Variants in ADAMTSL2 observed in about 807,000 individuals in gnomAD.
The protein encoded by ADAMTSL2 is ADAMTS-like protein 2.
Under a neutral mutation model 117.0 loss-of-function variants are expected in ADAMTSL2, and 55 were observed. The ratio of observed to expected loss-of-function variants is 0.47; its 90% CI spans 0.38 to 0.59. The LOEUF (loss-of-function observed/expected upper bound fraction) is 0.59. Among genes scored for constraint, ADAMTSL2 ranks in the 20% least tolerant of loss-of-function variants. The pLI is 0.00. For synonymous variants in ADAMTSL2, 572 were observed against 566.4 expected (o/e 1.01, Z -0.14); for missense variants, 1,182 against 1,354.5 (o/e 0.87, Z 2.00).
In ADAMTSL2 at chr9:133,554,294, G is replaced by A; in HGVS notation, c.940-63G>A. 7.1e-7 allele frequency: 1 copy of A among 1,417,976 alleles called. No individual in the cohort carries two copies. The highest frequency in any genetic ancestry group is 9.5e-7 in the Non-Finnish European group (1 of 1,049,320). 87.8% of individuals were successfully genotyped at this position (1,417,976 alleles called of 1,614,324 possible). The stretch of plus-strand genomic sequence containing the variant: ...GCACCCTGCAGCTCTGTGGGAAGGG[G>A]ATTGGTGGGGAAGGGGCTGGACAGA... On this transcript the variant is annotated intron_variant, in intron 9 of 18. Transcript: ENST00000651351. The surrounding 1 kb of genome is among the most constrained non-coding windows in gnomAD (Gnocchi z 5.2).
At chr9:133,552,859 A>G (rs1176422665) in intron 9 of ADAMTSL2, among the ~76,000 whole-genome samples, 23 of 152,204 alleles carry the variant, frequency 1.5e-4, no homozygotes, top group African/African-American at 5.5e-4. Context: ...TATGCTTCTA[A>G]GTGCCATCCT....
chr9:133,534,499 T>C, upstream of ADAMTSL2: 1 of 446,406 alleles, frequency 2.2e-6, no homozygotes, highest in Non-Finnish European at 3.6e-6. Flanking sequence ...GAAGAAGGCC[T>C]CCCTGCTCGC....
chr9:133,572,545 A>G (rs1831131910), intron 17 of ADAMTSL2, among the ~76,000 whole-genome samples: 1 of 152,072 alleles, frequency 6.6e-6, no homozygotes, highest in South Asian at 2.1e-4. Flanking sequence ...CTAGCTTCAG[A>G]TGGGGGGGCC....
chr9:133,558,646 G>A lies in ADAMTSL2; in HGVS notation c.1650-2552G>A, dbSNP rs903583853. 5.3e-5 allele frequency among the ~76,000 whole-genome samples: 8 copies of A among 152,202 alleles called. No homozygotes were observed. The highest frequency in any genetic ancestry group is 1.0e-4 in the Non-Finnish European group (7 of 68,026). The stretch of plus-strand genomic sequence containing the variant: ...CCTGTGTCTGGCCGGGCATCTGGGC[G>A]AAGGACCCTGAGGAGTGACAGGTGG... On this transcript the variant is annotated intron_variant, in intron 11 of 18. Transcript: ENST00000651351. The surrounding 1 kb of genome is among the most constrained non-coding windows in gnomAD (Gnocchi z 4.3).
At chr9:133,533,163 CTG>C (rs71378583), upstream of ADAMTSL2, among the ~76,000 whole-genome samples, 20,200 of 147,886 alleles carry the variant, frequency 0.14, 1,369 homozygotes, top group Middle Eastern at 0.23. Flanking sequence ...GTGTGTGTGC[CTG>C]TGTGTGTGTG....
chr9:133,541,096 G>T (rs780461357), intron 7 of ADAMTSL2, 95 bp downstream of exon 7: 3 of 1,530,128 alleles, frequency 2.0e-6, no homozygotes, highest in South Asian at 1.2e-5. Context: ...GTGTACCACT[G>T]GGCAAGTTCT....
At chr9:133,534,184 C>A (rs1405929741), upstream of ADAMTSL2, 1 of 152,466 alleles carries the variant, frequency 6.6e-6, no homozygotes, top group South Asian at 2.1e-4. Flanking sequence ...TTCATTCTCG[C>A]TGGGTCTCCC....
rs944888399 is a variant in ADAMTSL2, at chr9:133,558,477, G to A, written c.1649+2547G>A. ...GGAGGGGCCCCTGTCACCAGACTCCGACTTTGGGAACAAGCTTCTGAGACA... is the reference window on the plus strand; with the variant it reads ...GGAGGGGCCCCTGTCACCAGACTCCAACTTTGGGAACAAGCTTCTGAGACA... On this transcript the variant is annotated intron_variant, in intron 11 of 18. Transcript: ENST00000651351. This position sits in a 1 kb window ranked among gnomAD's most constrained non-coding sequence, Gnocchi z 4.3. Among the ~76,000 whole-genome samples, 8 of 152,344 alleles carry A rather than the reference G, an allele frequency of 5.3e-5. No homozygotes were observed. Among genetic ancestry groups the A allele is most frequent in the Middle Eastern group, 3.4e-3 (1 of 294 alleles).
chr9:133,567,158 G>A, intron 13 of ADAMTSL2, 96 bp downstream of exon 13: 1 of 1,476,330 alleles, frequency 6.8e-7, no homozygotes, highest in South Asian at 1.2e-5. Context: ...CCCCGTAGAG[G>A]TTCTTCGTGT....
intron 9 of ADAMTSL2, among the ~76,000 whole-genome samples, chr9:133,551,830 T>TG (rs1830492258): frequency 1.3e-5 from 2 of 148,610 alleles, no homozygotes; most frequent in Non-Finnish European, 3.0e-5. Flanking sequence ...TTTTTTTTTT[T>TG]TTTTTTTTGT....
At chr9:133,534,991 G>C in intron 1 of ADAMTSL2, 74 bp downstream of exon 1, 9 of 1,320,448 alleles carry the variant, frequency 6.8e-6, no homozygotes, top group Non-Finnish European at 8.7e-6. Context: ...AGTGGGGCTG[G>C]GGGTAGGAGC....
At chr9:133,563,844 G>GAGAGAGAGAGAGAGAGAGAGAGA (rs1830815796) in intron 12 of ADAMTSL2, among the ~76,000 whole-genome samples, 1 of 29,384 alleles carries the variant, frequency 3.4e-5, no homozygotes, top group Non-Finnish European at 6.3e-5. Flanking sequence ...AGAGAGAGAG[G>GAGAGAGAGAGAGAGAGAGAGAGA]GAGAGAGAGA....
chr9:133,567,173 G>A lies in ADAMTSL2; in HGVS notation c.1874+111G>A. 2.9e-6 allele frequency: 4 copies of A among 1,370,726 alleles called. No individual in the cohort carries two copies. In the South Asian group the frequency reaches 3.9e-5, roughly 13 times the overall value. The allele number at this position is 1,370,726 out of a possible 1,614,324, so 84.9% of individuals were successfully genotyped here. A position where few individuals can be genotyped will look rare whatever the true frequency, so the allele number is the denominator to read the frequency against. On this transcript the variant is annotated intron_variant, in intron 13 of 18. Transcript: ENST00000651351. The stretch of plus-strand genomic sequence containing the variant: ...CCCCGTAGAGGTTCTTCGTGTGCAG[G>A]GCCGTGGGGGCTCTTCGAGGAGGGG...
chr9:133,564,040 C>G (rs868254214), intron 12 of ADAMTSL2, among the ~76,000 whole-genome samples: 50 of 9,504 alleles, frequency 5.3e-3, no homozygotes, highest in South Asian at 0.021. Flanking sequence ...GGGAGAGAGA[C>G]AGAGAGAGAG....
chr9:133,541,631 AT>A (rs1363136848), intron 7 of ADAMTSL2, among the ~76,000 whole-genome samples: 4 of 152,198 alleles, frequency 2.6e-5, no homozygotes, highest in Non-Finnish European at 5.9e-5. Flanking sequence ...CCCAAGACCC[AT>A]TCTCTCCACG....
chr9:133,572,639 G>C (rs1831134298), intron 17 of ADAMTSL2, among the ~76,000 whole-genome samples: 1 of 152,104 alleles, frequency 6.6e-6, no homozygotes, highest in Admixed American at 6.5e-5. Context: ...GCCATGAAGC[G>C]ATGAAGCGGG....
chr9:133,540,118 C>T (rs56355857), intron 5 of ADAMTSL2, among the ~76,000 whole-genome samples: 22 of 152,094 alleles, frequency 1.4e-4, no homozygotes, highest in African/African-American at 4.1e-4. Context: ...TGACCTCTGA[C>T]GGCAGTGGTG....
chr9:133,540,917 C>A lies in ADAMTSL2; in HGVS notation c.598C>A (p.Leu200Met), dbSNP rs1305355130. 4 of 1,613,454 alleles carry A rather than the reference C, an allele frequency of 2.5e-6. No individual in the cohort carries two copies. The South Asian group carries it at 4.4e-5, about 18-fold the overall frequency. The change falls in exon 7 of 19, where the codon CTG (leucine) becomes ATG (methionine). Residue 200 changes from leucine to methionine, a missense_variant. Leu to Met is a conservative substitution (Grantham distance 15). Transcript: ENST00000651351. ...CDGVLFSTHT[L>M]DKCGICQGDG... is the part of the protein sequence containing the mutation. ...CGGGGTGCTTTTCTCCACCCACACA[C>A]TGGACAAGTGTGGCATCTGCCAGGG...
intron 9 of ADAMTSL2, among the ~76,000 whole-genome samples, chr9:133,550,798 G>A (rs1830464373): frequency 6.6e-6 from 1 of 152,190 alleles, no homozygotes; most frequent in Admixed American, 6.5e-5. Context: ...TTCACCCGTT[G>A]TGCCTGCAGT....
Sources: allele counts gnomAD v4.1 joint callset (sites outside exome capture counted in the v4.1 genomes callset), GRCh38; gene constraint gnomAD v4.1.1; non-coding constraint Gnocchi (gnomAD v3.1); transcripts MANE v1.5; gene names NCBI Gene and HGNC (gene_info 2026-07-23, HGNC 2026-07-21).